The following PARD3 variants were observed in gnomAD, a reference collection of about 807,000 sequenced individuals.
PARD3 encodes partitioning defective 3 homolog.
In PARD3, 75 loss-of-function variants were observed where a neutral mutation model predicts 155.4. The observed-to-expected ratio is 0.48, with a 90% CI of 0.40 to 0.58. PARD3 has a LOEUF of 0.58. Ranked by LOEUF, PARD3 falls within the 20% of genes least tolerant of loss-of-function variation. The pLI is 0.00. For synonymous variants in PARD3, 576 were observed against 610.5 expected (o/e 0.94, Z 0.83); for missense variants, 1,642 against 1,721.7 (o/e 0.95, Z 0.82).
At chr10:34,422,334 A>G (rs2075358276) in intron 5 of PARD3, among the ~76,000 whole-genome samples, 1 of 152,170 alleles carries the variant, frequency 6.6e-6, no homozygotes. Context: ...AACGTATATA[A>G]AAAACTTAGC....
At chr10:34,390,016 T>C (rs1232579135) in intron 7 of PARD3, among the ~76,000 whole-genome samples, 1 of 152,192 alleles carries the variant, frequency 6.6e-6, no homozygotes, top group South Asian at 2.1e-4. Flanking sequence ...TTATAGTTCT[T>C]TATTATAACA....
intron 22 of PARD3, among the ~76,000 whole-genome samples, chr10:34,203,717 G>A (rs566752704): frequency 4.6e-5 from 7 of 152,248 alleles, no homozygotes; most frequent in African/African-American, 1.7e-4. Flanking sequence ...ATCTGTGGTT[G>A]GTCAAATCCA....
chr10:34,750,509 A>C (rs865829567), intron 1 of PARD3, among the ~76,000 whole-genome samples: 181 of 140,148 alleles, frequency 1.3e-3, no homozygotes, highest in Non-Finnish European at 2.0e-3. Context: ...ACACACACAC[A>C]CCCTAAGACT....
intron 5 of PARD3, among the ~76,000 whole-genome samples, chr10:34,443,530 C>G (rs556688396): frequency 6.6e-6 from 1 of 152,110 alleles, no homozygotes; most frequent in South Asian, 2.1e-4. Flanking sequence ...AAAGTCACAT[C>G]TTACATGGAT....
At chr10:34,250,579 A>C (rs577700428) in intron 22 of PARD3, among the ~76,000 whole-genome samples, 7 of 152,252 alleles carry the variant, frequency 4.6e-5, no homozygotes, top group African/African-American at 1.7e-4. Flanking sequence ...GTAAGTGGAA[A>C]AAATGTGCCA....
intron 5 of PARD3, among the ~76,000 whole-genome samples, chr10:34,421,936 C>A (rs925146418): frequency 1.3e-5 from 2 of 152,044 alleles, no homozygotes; most frequent in African/African-American, 4.8e-5. Flanking sequence ...CAGAGAAGGT[C>A]TCAGTGAGGA....
At chr10:34,320,649 T>C (rs2134156788) in intron 19 of PARD3, among the ~76,000 whole-genome samples, 1 of 152,370 alleles carries the variant, frequency 6.6e-6, no homozygotes, top group Middle Eastern at 3.4e-3. Flanking sequence ...AATAATTTTC[T>C]GGTGTATGTA....
At chr10:34,725,354 T>C (rs771584434) in intron 1 of PARD3, among the ~76,000 whole-genome samples, 2 of 152,108 alleles carry the variant, frequency 1.3e-5, no homozygotes, top group Non-Finnish European at 2.9e-5. Context: ...GGTTTCACCA[T>C]GTTGGACCAA....
At chr10:34,557,950 A>G (rs115242789) in intron 2 of PARD3, among the ~76,000 whole-genome samples, 2,634 of 151,912 alleles carry the variant, frequency 0.017, 20 homozygotes, top group African/African-American at 0.034. Flanking sequence ...AAAAAAAAAA[A>G]AAAGAAAGAA....
At chr10:34,595,644 T>C (rs1411992871) in intron 2 of PARD3, among the ~76,000 whole-genome samples, 1 of 152,184 alleles carries the variant, frequency 6.6e-6, no homozygotes, top group Non-Finnish European at 1.5e-5. Flanking sequence ...GGAAAAAGAA[T>C]AAAGTTTCTG....
intron 22 of PARD3, among the ~76,000 whole-genome samples, chr10:34,246,209 A>G (rs1953942713): frequency 6.6e-6 from 1 of 152,226 alleles, no homozygotes; most frequent in African/African-American, 2.4e-5. Context: ...AGATGGTAGA[A>G]GCCTTTGGCA....
intron 5 of PARD3, among the ~76,000 whole-genome samples, chr10:34,432,010 C>G (rs1589552468): frequency 1.8e-5 from 2 of 109,686 alleles, no homozygotes; most frequent in Non-Finnish European, 3.4e-5. Flanking sequence ...CCACTGCACT[C>G]TAGCCTGGGC....
chr10:34,680,835 G>A (rs2093800905), intron 2 of PARD3, among the ~76,000 whole-genome samples: 1 of 123,074 alleles, frequency 8.1e-6, no homozygotes, highest in East Asian at 2.6e-4. Flanking sequence ...GGACTGTGGT[G>A]GGGTGGGGGG....
intron 22 of PARD3, among the ~76,000 whole-genome samples, chr10:34,209,276 T>C (rs1196944230): frequency 6.6e-6 from 1 of 152,192 alleles, no homozygotes; most frequent in Non-Finnish European, 1.5e-5. Flanking sequence ...ATCAAAAATC[T>C]AGCAGAATAT....
intron 2 of PARD3, among the ~76,000 whole-genome samples, chr10:34,614,224 G>A (rs2091103286): frequency 1.3e-5 from 2 of 152,182 alleles, no homozygotes; most frequent in Admixed American, 1.3e-4. Flanking sequence ...TCCGCTACAT[G>A]GGATGAAGGA....
chr10:34,555,825 T>C (rs2084937488), intron 2 of PARD3, among the ~76,000 whole-genome samples: 1 of 152,052 alleles, frequency 6.6e-6, no homozygotes, highest in South Asian at 2.1e-4. Context: ...CCTGGATGAC[T>C]CCACCCTATC....
At chr10:34,477,050 C>T (rs2078757759) in intron 3 of PARD3, among the ~76,000 whole-genome samples, 1 of 152,138 alleles carries the variant, frequency 6.6e-6, no homozygotes, top group Non-Finnish European at 1.5e-5. Flanking sequence ...GCTTTGGCCT[C>T]GGATGAATAA....
At chr10:34,159,771 A>G (rs1454362239) in intron 22 of PARD3, among the ~76,000 whole-genome samples, 1 of 152,228 alleles carries the variant, frequency 6.6e-6, no homozygotes, top group Admixed American at 6.5e-5. Context: ...GGTGAGTTCT[A>G]TTATGCCCAT....
chr10:34,234,247 C>G (rs1588879647), intron 22 of PARD3, among the ~76,000 whole-genome samples: 1 of 147,202 alleles, frequency 6.8e-6, no homozygotes, highest in South Asian at 2.2e-4. Context: ...ACTACTTTGG[C>G]TGATACAACT....
Sources: allele counts gnomAD v4.1 joint callset (sites outside exome capture counted in the v4.1 genomes callset), GRCh38; gene constraint gnomAD v4.1.1; transcripts MANE v1.5; gene names NCBI Gene and HGNC (gene_info 2026-07-23, HGNC 2026-07-21).